The following RGS17 variants were observed in gnomAD, a reference collection of about 807,000 sequenced individuals.
RGS17 encodes regulator of G protein signaling 17.
In RGS17, 12 loss-of-function variants were observed where a neutral mutation model predicts 25.5. The ratio of observed to expected loss-of-function variants is 0.47; its 90% CI spans 0.30 to 0.76. The LOEUF is 0.76. Among genes scored for constraint, RGS17 ranks in the 30% least tolerant of loss-of-function variants. The probability of loss-of-function intolerance (pLI) is 0.07; values close to 1 mark genes in which losing one functional copy is unlikely to be tolerated. For missense variants in RGS17, 196 were observed against 242.2 expected (o/e 0.81, Z 1.27); for synonymous variants, 71 against 76.9 (o/e 0.92, Z 0.40).
intron 1 of RGS17, among the ~76,000 whole-genome samples, chr6:153,111,972 G>A (rs1777477484): frequency 6.6e-6 from 1 of 152,200 alleles, no homozygotes; most frequent in Admixed American, 6.5e-5. Flanking sequence ...CCACAAAGAT[G>A]AGGAAAAGCC....
chr6:153,034,334 CGT>C (rs1301032399), intron 2 of RGS17, among the ~76,000 whole-genome samples: 1 of 152,138 alleles, frequency 6.6e-6, no homozygotes, highest in East Asian at 1.9e-4. Flanking sequence ...GCTGCTCTGA[CGT>C]ATACCTGTGC....
intron 1 of RGS17, among the ~76,000 whole-genome samples, chr6:153,071,166 ACACT>A (rs1397669852): frequency 2.7e-5 from 4 of 150,002 alleles, no homozygotes; most frequent in African/African-American, 9.7e-5. Flanking sequence ...ACATATACAC[ACACT>A]CATATATATC....
chr6:153,083,898 T>A (rs1777017412), intron 1 of RGS17, among the ~76,000 whole-genome samples: 1 of 152,166 alleles, frequency 6.6e-6, no homozygotes, highest in Non-Finnish European at 1.5e-5. Flanking sequence ...TTTGAAGACA[T>A]ACACACACCT....
At chr6:153,109,700 A>G (rs1418240051) in intron 1 of RGS17, among the ~76,000 whole-genome samples, 1 of 152,254 alleles carries the variant, frequency 6.6e-6, no homozygotes, top group Non-Finnish European at 1.5e-5. Flanking sequence ...TCTTCTGGTT[A>G]GGAGTTAAAA....
chr6:153,037,899 T>C (rs758778032), intron 2 of RGS17, among the ~76,000 whole-genome samples: 4 of 152,130 alleles, frequency 2.6e-5, no homozygotes, highest in Non-Finnish European at 5.9e-5. Flanking sequence ...ATCACTCGTA[T>C]AAAAAATGGT....
At chr6:153,022,292 G>A (rs1048632873) in intron 4 of RGS17, among the ~76,000 whole-genome samples, 6 of 152,150 alleles carry the variant, frequency 3.9e-5, no homozygotes, top group African/African-American at 1.2e-4. Flanking sequence ...AATCACTATT[G>A]TAACTCTAAA....
chr6:153,093,322 A>T (rs2129122027), intron 1 of RGS17, among the ~76,000 whole-genome samples: 1 of 152,120 alleles, frequency 6.6e-6, no homozygotes, highest in South Asian at 2.1e-4. Flanking sequence ...ATCTGATCTG[A>T]TTTTCTCTGT....
intron 1 of RGS17, among the ~76,000 whole-genome samples, chr6:153,067,160 A>T (rs1417519948): frequency 2.6e-5 from 4 of 152,192 alleles, no homozygotes; most frequent in Admixed American, 6.5e-5. Context: ...GAAGAAACAT[A>T]CTTCAACATA....
At chr6:153,031,409 A>C (rs1474582747) in intron 2 of RGS17, among the ~76,000 whole-genome samples, 1 of 152,244 alleles carries the variant, frequency 6.6e-6, no homozygotes, top group Non-Finnish European at 1.5e-5. Context: ...CCACCTGAGT[A>C]AATAGAGACT....
intron 1 of RGS17, among the ~76,000 whole-genome samples, chr6:153,110,339 T>C (rs1427430402): frequency 6.6e-6 from 1 of 152,088 alleles, no homozygotes; most frequent in African/African-American, 2.4e-5. Context: ...TGAGCTTCTC[T>C]CTACCAGCAC....
At chr6:153,020,100 T>TAAAAAA (rs57320874) in intron 4 of RGS17, among the ~76,000 whole-genome samples, 2 of 45,018 alleles carry the variant, frequency 4.4e-5, no homozygotes, top group Non-Finnish European at 7.7e-5. Flanking sequence ...GCAAATATCT[T>TAAAAAA]AAAAAAAAAA....
intron 1 of RGS17, among the ~76,000 whole-genome samples, chr6:153,085,286 T>C (rs17083514): frequency 0.077 from 11,794 of 152,256 alleles, 624 homozygotes; most frequent in East Asian, 0.17. Flanking sequence ...ATTTGAATTA[T>C]AGCTCTTCGA....
chr6:153,082,497 A>AC (rs1341526030), intron 1 of RGS17, among the ~76,000 whole-genome samples: 3 of 152,110 alleles, frequency 2.0e-5, no homozygotes, highest in Admixed American at 6.5e-5. Context: ...TGTTAAGCCC[A>AC]TCCAATGGTT....
chr6:153,066,995 G>A lies in RGS17; in HGVS notation c.-25-22952C>T, dbSNP rs138049040. On this transcript the variant is annotated intron_variant, in intron 1 of 4. Transcript: ENST00000206262. Reference sequence around the variant, plus strand: ...GCGGAGCTTGCAATGAGCTGAGATCGCACCAATGCACTCCAGCCTGGGTGA... The same window carrying A: ...GCGGAGCTTGCAATGAGCTGAGATCACACCAATGCACTCCAGCCTGGGTGA... Among the ~76,000 whole-genome samples, 1,453 of 152,068 alleles carry A rather than the reference G, an allele frequency of 9.6e-3. 20 individuals carry two copies. The highest frequency in any genetic ancestry group is 0.033 in the African/African-American group (1,368 of 41,434).
chr6:153,115,694 C>T (rs1384743877), intron 1 of RGS17, among the ~76,000 whole-genome samples: 3 of 152,132 alleles, frequency 2.0e-5, no homozygotes, highest in Non-Finnish European at 4.4e-5. Context: ...GCTACAGTAA[C>T]AAAAACAGCA....
At chr6:153,079,109 T>G (rs1290283748) in intron 1 of RGS17, among the ~76,000 whole-genome samples, 1 of 151,948 alleles carries the variant, frequency 6.6e-6, no homozygotes, top group East Asian at 1.9e-4. Context: ...GATAGAGTCT[T>G]GCTCTGTCAC....
At chr6:153,099,834 A>C (rs1777271958) in intron 1 of RGS17, among the ~76,000 whole-genome samples, 1 of 152,012 alleles carries the variant, frequency 6.6e-6, no homozygotes, top group South Asian at 2.1e-4. Flanking sequence ...ATAAGAAAAT[A>C]TGTATGAAAG....
At chr6:153,086,917 C>T (rs1777060560) in intron 1 of RGS17, among the ~76,000 whole-genome samples, 1 of 152,116 alleles carries the variant, frequency 6.6e-6, no homozygotes, top group Non-Finnish European at 1.5e-5. Context: ...GTCTTGTGAT[C>T]TGATAGTAAA....
Position 153,010,590 on chromosome 6 carries a change from C to G in RGS17, c.*984G>C, listed in dbSNP as rs1448692963. 1 of 152,006 alleles carries G rather than the reference C, an allele frequency of 6.6e-6. No individual in the cohort carries two copies. Among genetic ancestry groups the G allele is most frequent in the Admixed American group, 6.6e-5 (1 of 15,260 alleles). 9.4% of individuals were successfully genotyped at this position (152,006 alleles called of 1,614,324 possible). On this transcript the variant is annotated 3_prime_UTR_variant, in exon 5 of 5. Coordinates refer to ENST00000206262, the MANE Select transcript of RGS17 (RefSeq NM_012419.5). ...AATATGCCACAGGACAGATGCTATT[C>G]ATCAAAATGTTTTACAGTGCTACAT...
Sources: gnomAD v4.1 joint callset for allele counts (sites outside exome capture counted in the v4.1 genomes callset) on GRCh38, gnomAD v4.1.1 for gene constraint, MANE v1.5 for transcripts, NCBI Gene and HGNC (gene_info 2026-07-23, HGNC 2026-07-21) for gene names.